Variants in TNS1 observed in about 807,000 individuals in gnomAD.
TNS1 encodes the protein tensin-1.
A neutral mutation model predicts 168.6 loss-of-function variants in TNS1; 62 were observed. The observed-to-expected ratio is 0.37, with a 90% confidence interval of 0.30 to 0.45. The LOEUF is 0.45. Among genes scored for constraint, TNS1 ranks in the 20% least tolerant of loss-of-function variants. The probability of loss-of-function intolerance (pLI) is 1.00; values close to 1 mark genes in which losing one functional copy is unlikely to be tolerated. For synonymous variants in TNS1, 934 were observed against 933.2 expected (o/e 1.00, Z -0.02); for missense variants, 2,240 against 2,339.4 (o/e 0.96, Z 0.88).
intron 2 of TNS1, 124 bp downstream of exon 2, chr2:217,990,818 G>A (rs766156592): frequency 3.4e-5 from 14 of 406,066 alleles, no homozygotes; most frequent in Non-Finnish European, 5.4e-5. Context: ...CACCAGATGA[G>A]AACAAGGCGT....
At chr2:217,829,696 C>G (rs1367399724) in intron 22 of TNS1, 1 of 885,412 alleles carries the variant, frequency 1.1e-6, no homozygotes, top group African/African-American at 1.7e-5. Context: ...ATCTCATCAC[C>G]AAGCGTTGGG....
At chr2:217,815,041 G>T in intron 24 of TNS1, 43 bp from the exon 25 acceptor site, 2 of 1,513,780 alleles carry the variant, frequency 1.3e-6, no homozygotes, top group Non-Finnish European at 1.8e-6. Context: ...GTTAAATTGT[G>T]TTCACCCAAA....
At chr2:217,890,362 A>C (rs183662655) in intron 12 of TNS1, 1 of 152,658 alleles carries the variant, frequency 6.6e-6, no homozygotes, top group East Asian at 1.9e-4. Flanking sequence ...CAGCTCACCA[A>C]GGGAAAGGAC....
upstream of TNS1, among the ~76,000 whole-genome samples, chr2:218,005,627 C>T (rs1411079770): frequency 6.6e-6 from 1 of 152,248 alleles, no homozygotes. Context: ...CCCCAACCCA[C>T]ACACGGGCAA....
chr2:217,902,384 TA>T (rs1225993475), intron 6 of TNS1, among the ~76,000 whole-genome samples: 1 of 152,018 alleles, frequency 6.6e-6, no homozygotes, highest in African/African-American at 2.4e-5. Flanking sequence ...GCCACAACGG[TA>T]GCCAAGACGT....
At chr2:218,005,601 C>T (rs867752672), upstream of TNS1, among the ~76,000 whole-genome samples, 1 of 152,222 alleles carries the variant, frequency 6.6e-6, no homozygotes, top group African/African-American at 2.4e-5. Context: ...TCCTCCTTCA[C>T]AGCCTGGTGT....
chr2:218,010,730 A>T (rs919173570), upstream of TNS1, among the ~76,000 whole-genome samples: 4 of 151,972 alleles, frequency 2.6e-5, no homozygotes, highest in Non-Finnish European at 4.4e-5. Flanking sequence ...GGCTGCAGTG[A>T]GGGTGTGAGC....
At chr2:217,906,269 A>ACCCCCCCCCCTTCCCCCCCGCC in intron 6 of TNS1, 66 bp downstream of exon 6, 1 of 514,446 alleles carries the variant, frequency 1.9e-6, no homozygotes, top group Non-Finnish European at 3.7e-6. Context: ...TCCACCTCCC[A>ACCCCCCCCCCTTCCCCCCCGCC]CCCCACCCCA....
intron 1 of TNS1, among the ~76,000 whole-genome samples, chr2:217,992,145 G>C (rs1413870179): frequency 4.0e-5 from 6 of 151,704 alleles, no homozygotes; most frequent in African/African-American, 1.5e-4. Context: ...CCTATTCAGA[G>C]GACTCCCCAC....
intron 18 of TNS1, among the ~76,000 whole-genome samples, chr2:217,856,701 CA>C (rs1255092585): frequency 6.6e-6 from 1 of 152,034 alleles, no homozygotes; most frequent in Non-Finnish European, 1.5e-5. Context: ...AAAAAATTAC[CA>C]AAGATTTTTT....
chr2:217,947,137 A>G (rs997571078), intron 3 of TNS1, among the ~76,000 whole-genome samples: 1 of 151,220 alleles, frequency 6.6e-6, no homozygotes, highest in Middle Eastern at 3.2e-3. Flanking sequence ...AAGCCAACCC[A>G]TGCTCCTCTC....
chr2:217,922,752 C>T (rs752276698), intron 3 of TNS1, among the ~76,000 whole-genome samples: 1 of 152,120 alleles, frequency 6.6e-6, no homozygotes. Context: ...AGAGGCACCC[C>T]CTAAGAACCT....
At chr2:217,987,240 T>C (rs1958219100) in intron 2 of TNS1, among the ~76,000 whole-genome samples, 1 of 152,156 alleles carries the variant, frequency 6.6e-6, no homozygotes, top group African/African-American at 2.4e-5. Context: ...GGACCCATCT[T>C]ACAGGCACAC....
chr2:218,014,858 G>C (rs1044759226), upstream of TNS1, among the ~76,000 whole-genome samples: 1 of 136,082 alleles, frequency 7.3e-6, no homozygotes, highest in Non-Finnish European at 1.6e-5. Flanking sequence ...GATTGCAGGA[G>C]GGAAGGAAGG....
At chr2:217,952,502 G>A (rs999338710) in intron 3 of TNS1, among the ~76,000 whole-genome samples, 2 of 152,146 alleles carry the variant, frequency 1.3e-5, no homozygotes, top group African/African-American at 4.8e-5. Context: ...GCCAGCAGCA[G>A]CCTGCCCAGT....
At chr2:217,946,969 T>TCACACA (rs372012573) in intron 3 of TNS1, among the ~76,000 whole-genome samples, 200 of 118,846 alleles carry the variant, frequency 1.7e-3, no homozygotes, top group African/African-American at 7.0e-3. Flanking sequence ...TCTCTCTCTC[T>TCACACA]CACACACACA....
Position 217,859,617 on chromosome 2 carries a change from T to C in TNS1, c.1430-10530A>G, listed in dbSNP as rs375626745. On this transcript the variant is annotated intron_variant, in intron 18 of 32. Transcript: ENST00000682258. Reference sequence around the variant, plus strand: ...GAGGGCCTAACTTTGGGAAGGCCAGTGTGTGTCTGGCCAGGTATATTGATC... The same window carrying C: ...GAGGGCCTAACTTTGGGAAGGCCAGCGTGTGTCTGGCCAGGTATATTGATC... The C allele has an allele frequency of 2.0e-4, 311 of 1,532,668 alleles. 4 individuals are homozygous for C. The South Asian group carries it at 3.0e-3, about 15-fold the overall frequency. 94.9% of individuals were successfully genotyped at this position (1,532,668 alleles called of 1,614,324 possible).
chr2:217,875,632 G>A (rs957618307), intron 18 of TNS1, among the ~76,000 whole-genome samples: 1 of 151,922 alleles, frequency 6.6e-6, no homozygotes, highest in African/African-American at 2.4e-5. Context: ...CTGCCTGTTT[G>A]CTGTATCTCT....
At chr2:217,918,343 C>T (rs760585894) in intron 4 of TNS1, among the ~76,000 whole-genome samples, 4 of 152,140 alleles carry the variant, frequency 2.6e-5, no homozygotes, top group South Asian at 2.1e-4. Flanking sequence ...CGCTCTTTAC[C>T]GCTGGGGAGG....
Sources: gnomAD v4.1 joint callset for allele counts (sites outside exome capture counted in the v4.1 genomes callset) on GRCh38, gnomAD v4.1.1 for gene constraint, MANE v1.5 for transcripts, NCBI Gene and HGNC (gene_info 2026-07-23, HGNC 2026-07-21) for gene names.